SLC35B3: variants seen among roughly 807,000 people sequenced by gnomAD.
SLC35B3 encodes the protein solute carrier family 35 member B3.
SLC35B3 carries 35 observed loss-of-function variants against 44.1 expected under a neutral mutation model. The ratio of observed to expected loss-of-function variants is 0.79; its 90% CI spans 0.61 to 1.05. SLC35B3 has a LOEUF of 1.05. SLC35B3 is among the 50% of genes least tolerant of loss of function. The pLI is 0.00. For missense variants in SLC35B3, 414 were observed against 476.4 expected, an observed-to-expected ratio of 0.87 and a Z score of 1.22; for synonymous variants, 146 against 167.3, an observed-to-expected ratio of 0.87 and a Z score of 0.98.
At position 8,430,285 on chromosome 6, in the gene SLC35B3, G is replaced by A. The variant is rs1763842880; in HGVS notation, c.4-128C>T. The A allele has an allele frequency of 2.2e-5, 18 of 825,766 alleles. No individual in the cohort carries two copies. The South Asian group carries it at 4.6e-4, about 21-fold the overall frequency. 51.2% of individuals were successfully genotyped at this position (825,766 alleles called of 1,614,324 possible). A position where few individuals can be genotyped will look rare whatever the true frequency, so the allele number is the denominator to read the frequency against. On this transcript the variant is annotated intron_variant, in intron 2 of 10. Transcript: ENST00000644923. Reference sequence around the variant, plus strand: ...TCTGGATATTAGTATATTAATTCCTGTATTCTAGGTTCCAAATCACCAAAA... The same window carrying A: ...TCTGGATATTAGTATATTAATTCCTATATTCTAGGTTCCAAATCACCAAAA...
rs559704234 is a variant in SLC35B3 at position 8,428,194 on chromosome 6, T to G, written c.298-136A>C. On this transcript the variant is annotated intron_variant, in intron 3 of 10. Coordinates refer to ENST00000644923, the MANE Select transcript of SLC35B3 (RefSeq NM_001370476.2). ...ACAACAAAATGTAAATTAGAGAGGTTAGAAGCTCTTTCATATTGGTAATGT... is the reference window on the plus strand; with the variant it reads ...ACAACAAAATGTAAATTAGAGAGGTGAGAAGCTCTTTCATATTGGTAATGT... 1.1e-5 allele frequency: 8 copies of G among 758,950 alleles called. No individual in the cohort carries two copies. In the South Asian group the frequency reaches 3.0e-4, roughly 29 times the overall value. 47.0% of individuals were successfully genotyped at this position (758,950 alleles called of 1,614,324 possible). A position where few individuals can be genotyped will look rare whatever the true frequency, so the allele number is the denominator to read the frequency against.
chr6:8,423,844 A>C (rs1430208218), intron 4 of SLC35B3, among the ~76,000 whole-genome samples: 1 of 152,216 alleles, frequency 6.6e-6, no homozygotes, highest in Non-Finnish European at 1.5e-5. Flanking sequence ...GCATGCCCAT[A>C]TGCATCAGTG....
Position 8,420,117 on chromosome 6 carries a change from TCACATAAA to T in SLC35B3, c.683-448_683-441del, listed in dbSNP as rs1762766594. 1.3e-5 allele frequency among the ~76,000 whole-genome samples: 2 copies of T among 152,134 alleles called. No homozygotes were observed. The highest frequency in any genetic ancestry group is 4.1e-4 in the South Asian group (2 of 4,824). On this transcript the variant is annotated intron_variant, in intron 6 of 10. Transcript: ENST00000644923. The surrounding 1 kb of genome is among the most constrained non-coding windows in gnomAD (Gnocchi z 4.4). Reference sequence around the variant, plus strand: ...TTATTACTAAAATGTTTAATTTAAATCACATAAACAGGCACGCTGCTGTCAGGGCCTTT... The same window carrying T: ...TTATTACTAAAATGTTTAATTTAAATCAGGCACGCTGCTGTCAGGGCCTTT...
rs1456559912 is a variant in SLC35B3, at chr6:8,411,798, AAC to A, written c.*1749_*1750del. On this transcript the variant is annotated 3_prime_UTR_variant, in exon 11 of 11. Transcript: ENST00000644923. ...AAGTATATTATACTCACAAAATATAAACAGTGTCCCCAAGAGCACTAAGCTTT... is the reference window on the plus strand; with the variant it reads ...AAGTATATTATACTCACAAAATATAAAGTGTCCCCAAGAGCACTAAGCTTT... Among the ~76,000 whole-genome samples, 39 of 152,286 alleles carry A rather than the reference AAC, an allele frequency of 2.6e-4. No homozygotes were observed. Among genetic ancestry groups the A allele is most frequent in the African/African-American group, 7.0e-4 (29 of 41,562 alleles).
chr6:8,413,723 A>T (rs1176714915), intron 10 of SLC35B3, 24 bp from the exon 10 acceptor site: 1 of 1,398,102 alleles, frequency 7.2e-7, no homozygotes, highest in African/African-American at 1.5e-5. Flanking sequence ...ATAAGGAAAA[A>T]AAATTAAAAT....
Position 8,413,497 on chromosome 6 carries a change from T to G in SLC35B3, c.*52A>C, listed in dbSNP as rs1213262982. 2 of 1,487,996 alleles carry G rather than the reference T, an allele frequency of 1.3e-6. No individual in the cohort carries two copies. Among genetic ancestry groups the G allele is most frequent in the Non-Finnish European group, 1.8e-6 (2 of 1,098,790 alleles). 92.2% of individuals were successfully genotyped at this position (1,487,996 alleles called of 1,614,324 possible). A position where few individuals can be genotyped will look rare whatever the true frequency, so the allele number is the denominator to read the frequency against. ...TTTATCAGTCCCTTTGGAAAGTTAA[T>G]TAATTGATGATTGTTCCCTTAAAAT... On this transcript the variant is annotated 3_prime_UTR_variant, in exon 11 of 11. Coordinates refer to ENST00000644923, the MANE Select transcript of SLC35B3 (RefSeq NM_001370476.2).
chr6:8,419,061 T>C lies in SLC35B3; in HGVS notation c.780+519A>G, dbSNP rs1248598042. Among the ~76,000 whole-genome samples the C allele has an allele frequency of 6.6e-6, 1 of 152,110 alleles. No homozygotes were observed. Among genetic ancestry groups the C allele is most frequent in the Non-Finnish European group, 1.5e-5 (1 of 67,964 alleles). Reference sequence around the variant, plus strand: ...AATGAGCTGAAAGTGGATTATTCAATAAATGATATTAGAAAAAATGGTAGT... The same window carrying C: ...AATGAGCTGAAAGTGGATTATTCAACAAATGATATTAGAAAAAATGGTAGT... On this transcript the variant is annotated intron_variant, in intron 7 of 10. Coordinates refer to ENST00000644923, the MANE Select transcript of SLC35B3 (RefSeq NM_001370476.2). This position sits in a 1 kb window ranked among gnomAD's most constrained non-coding sequence, Gnocchi z 4.3.
At chr6:8,414,829 G>T in intron 10 of SLC35B3, 79 bp downstream of exon 9, 1 of 733,022 alleles carries the variant, frequency 1.4e-6, no homozygotes, top group Non-Finnish European at 2.1e-6. Context: ...AAGTAGAAAA[G>T]TTGAAATTAA....
chr6:8,425,759 C>T (rs1484158132), intron 4 of SLC35B3, among the ~76,000 whole-genome samples: 2 of 152,032 alleles, frequency 1.3e-5, no homozygotes, highest in African/African-American at 4.8e-5. Flanking sequence ...GTATTACAGT[C>T]GTTATTACAT....
rs567337261 is a variant in SLC35B3 at position 8,425,662 on chromosome 6, T to C, written c.419+2275A>G. On this transcript the variant is annotated intron_variant, in intron 4 of 10. Transcript: ENST00000644923. Reference sequence around the variant, plus strand: ...AAACTGTAGTTACCTTGATACAAACTTCAACACCATTTTATGATTAAAAAA... The same window carrying C: ...AAACTGTAGTTACCTTGATACAAACCTCAACACCATTTTATGATTAAAAAA... Among the ~76,000 whole-genome samples, 6 of 152,204 alleles carry C rather than the reference T, an allele frequency of 3.9e-5. No homozygotes were observed. In the South Asian group the frequency reaches 1.2e-3, roughly 32 times the overall value.
At position 8,419,693 on chromosome 6, in the gene SLC35B3, A is replaced by T; in HGVS notation, c.683-16T>A. 7.2e-7 allele frequency: 1 copy of T among 1,391,464 alleles called. No individual in the cohort carries two copies. The highest frequency in any genetic ancestry group is 9.7e-7 in the Non-Finnish European group (1 of 1,031,620). The allele number at this position is 1,391,464 out of a possible 1,614,324, so 86.2% of individuals were successfully genotyped here. ...AGCACCACACCTTCAAGAAGGTATTAAAAAAACAAACAAAAAAACCCTCCT... is the reference window on the plus strand; with the variant it reads ...AGCACCACACCTTCAAGAAGGTATTTAAAAAACAAACAAAAAAACCCTCCT... On this transcript the variant is annotated splice_polypyrimidine_tract_variant and intron_variant, in intron 6 of 10. Transcript: ENST00000644923. The surrounding 1 kb of genome is among the most constrained non-coding windows in gnomAD (Gnocchi z 4.3).
intron 4 of SLC35B3, among the ~76,000 whole-genome samples, chr6:8,426,445 G>A (rs1399705398): frequency 3.3e-5 from 5 of 152,136 alleles, no homozygotes; most frequent in African/African-American, 1.2e-4. Flanking sequence ...TTTGAATCAT[G>A]GGGGTGGTTT....
At chr6:8,426,417 G>A (rs1413479107) in intron 4 of SLC35B3, among the ~76,000 whole-genome samples, 3 of 152,118 alleles carry the variant, frequency 2.0e-5, no homozygotes. Flanking sequence ...GTTGTGGGAG[G>A]GACCCAGTGG....
rs373891119 is a variant in SLC35B3, at chr6:8,429,844, C to T, written c.297+20G>A. 1 of 1,487,158 alleles carries T rather than the reference C, an allele frequency of 6.7e-7. No individual in the cohort carries two copies. The highest frequency in any genetic ancestry group is 9.1e-7 in the Non-Finnish European group (1 of 1,097,532). The allele number at this position is 1,487,158 out of a possible 1,614,324, so 92.1% of individuals were successfully genotyped here. A position where few individuals can be genotyped will look rare whatever the true frequency, so the allele number is the denominator to read the frequency against. ...ATTATTATAAATAATTAACATATTA[C>T]AAACATATAACTTTTTTACCTGTAA... On this transcript the variant is annotated intron_variant, in intron 3 of 10. Transcript: ENST00000644923.
At chr6:8,422,892 A>C (rs1337567766) in intron 4 of SLC35B3, among the ~76,000 whole-genome samples, 4 of 148,358 alleles carry the variant, frequency 2.7e-5, no homozygotes, top group Non-Finnish European at 4.5e-5. Flanking sequence ...CTGAAGGTAT[A>C]AATGTTGACA....
chr6:8,425,164 C>T (rs78279569), intron 4 of SLC35B3, among the ~76,000 whole-genome samples: 4,612 of 152,222 alleles, frequency 0.03, 249 homozygotes, highest in African/African-American at 0.11. Flanking sequence ...GGCCCCCTCC[C>T]CTCTCATCGG....
chr6:8,429,351 A>G (rs1398932816), intron 3 of SLC35B3, among the ~76,000 whole-genome samples: 3 of 152,206 alleles, frequency 2.0e-5, no homozygotes, highest in Non-Finnish European at 4.4e-5. Flanking sequence ...TCACAGAACA[A>G]TAAGATTCTG....
chr6:8,419,536 T>C lies in SLC35B3; in HGVS notation c.780+44A>G. 9.6e-7 allele frequency: 1 copy of C among 1,041,990 alleles called. No homozygotes were observed. Among genetic ancestry groups the C allele is most frequent in the Non-Finnish European group, 1.4e-6 (1 of 713,588 alleles). 64.5% of individuals were successfully genotyped at this position (1,041,990 alleles called of 1,614,324 possible). A position where few individuals can be genotyped will look rare whatever the true frequency, so the allele number is the denominator to read the frequency against. On this transcript the variant is annotated intron_variant, in intron 7 of 10. Coordinates refer to ENST00000644923, the MANE Select transcript of SLC35B3 (RefSeq NM_001370476.2). This position sits in a 1 kb window ranked among gnomAD's most constrained non-coding sequence, Gnocchi z 4.3. Reference sequence around the variant, plus strand: ...TCATCAAATTACGTGTATCACCATTTTTTAAATCTGTCTAATTTGAAGAAA... The same window carrying C: ...TCATCAAATTACGTGTATCACCATTCTTTAAATCTGTCTAATTTGAAGAAA...
Position 8,433,800 on chromosome 6 carries a change from T to C in SLC35B3, c.3+585A>G, listed in dbSNP as rs964171119. On this transcript the variant is annotated intron_variant, in intron 2 of 10. Coordinates refer to ENST00000644923, the MANE Select transcript of SLC35B3 (RefSeq NM_001370476.2). The surrounding 1 kb of genome is among the most constrained non-coding windows in gnomAD (Gnocchi z 4.1). ...TAAGAACATCACTGGTGAGAAAGTGTGACTGATAAAGACCTCTGATACCTA... is the reference window on the plus strand; with the variant it reads ...TAAGAACATCACTGGTGAGAAAGTGCGACTGATAAAGACCTCTGATACCTA... 2.6e-5 allele frequency among the ~76,000 whole-genome samples: 4 copies of C among 152,024 alleles called. No homozygotes were observed. The highest frequency in any genetic ancestry group is 4.4e-5 in the Non-Finnish European group (3 of 68,008).
Sources: allele counts gnomAD v4.1 joint callset (sites outside exome capture counted in the v4.1 genomes callset), GRCh38; gene constraint gnomAD v4.1.1; non-coding constraint Gnocchi (gnomAD v3.1); transcripts MANE v1.5; gene names NCBI Gene and HGNC (gene_info 2026-07-23, HGNC 2026-07-21).